The following TACC2 variants were observed in gnomAD, a reference collection of about 807,000 sequenced individuals.
TACC2 encodes transforming acidic coiled-coil containing protein 2.
A neutral mutation model predicts 227.3 loss-of-function variants in TACC2; 137 were observed. The observed-to-expected ratio is 0.60, with a 90% CI of 0.52 to 0.69. TACC2 has a LOEUF of 0.69. Among genes scored for constraint, TACC2 ranks in the 30% least tolerant of loss-of-function variants. The pLI is 0.00. For synonymous variants in TACC2, 1,523 were observed against 1,487.5 expected, an observed-to-expected ratio of 1.02 and a Z score of -0.55; for missense variants, 3,470 against 3,694.4, an observed-to-expected ratio of 0.94 and a Z score of 1.57.
In TACC2 at chr10:122,087,595, G is replaced by T. The variant is rs138754206; in HGVS notation, c.5095G>T (p.Ala1699Ser). 2 of 1,613,542 alleles carry T rather than the reference G, an allele frequency of 1.2e-6. No homozygotes were observed. The highest frequency in any genetic ancestry group is 2.7e-5 in the African/African-American group (2 of 74,948). The change falls in exon 4 of 23, where the codon GCA (alanine) becomes TCA (serine). Residue 1699 changes from alanine (A) to serine (S), a missense_variant. By Grantham distance (99) the Ala-to-Ser change is moderately conservative. Transcript: ENST00000369005. ...ADTPLEPGKV[A>S]GAAGEAEGDI... ...CACTCCCCTGGAGCCTGGCAAGGTG[G>T]CAGGCGCTGCTGGGGAAGCAGAGGG...
intron 7 of TACC2, among the ~76,000 whole-genome samples, chr10:122,168,534 G>T (rs547601252): frequency 6.6e-6 from 1 of 152,274 alleles, no homozygotes; most frequent in East Asian, 1.9e-4. Flanking sequence ...TGGGGGACTT[G>T]CCTGGAGGCT....
In TACC2 at chr10:122,050,390, G is replaced by GA; in HGVS notation, c.34-47dup. 1 of 1,470,038 alleles carries GA rather than the reference G, an allele frequency of 6.8e-7. No individual in the cohort carries two copies. The highest frequency in any genetic ancestry group is 9.5e-7 in the Non-Finnish European group (1 of 1,055,936). 91.1% of individuals were successfully genotyped at this position (1,470,038 alleles called of 1,614,324 possible). On this transcript the variant is annotated intron_variant, in intron 2 of 22. Transcript: ENST00000369005. This position sits in a 1 kb window ranked among gnomAD's most constrained non-coding sequence, Gnocchi z 4.6. ...GTTGATAAATGTTTTTGTGTTTTCA[G>GA]AGACTCCTATCTGATTTCCTTTCCA...
intron 7 of TACC2, chr10:122,163,807 C>T: frequency 2.3e-6 from 3 of 1,316,196 alleles, no homozygotes; most frequent in Admixed American, 3.8e-5. Context: ...GCAGCTGCTC[C>T]CCTCTGCAGT....
In TACC2 at chr10:122,050,613, A is replaced by G. The variant is rs2075567504; in HGVS notation, c.146+63A>G. 1.3e-5 allele frequency: 17 copies of G among 1,334,266 alleles called. No homozygotes were observed. The highest frequency in any genetic ancestry group is 1.7e-5 in the Non-Finnish European group (16 of 936,880). 82.7% of individuals were successfully genotyped at this position (1,334,266 alleles called of 1,614,324 possible). ...GACTGCCCCGCTCATTGCCTGCTCC[A>G]GCATTAGCTTTGCCCCATTTGCTTT... On this transcript the variant is annotated intron_variant, in intron 3 of 22. Transcript: ENST00000369005. The surrounding 1 kb of genome is among the most constrained non-coding windows in gnomAD (Gnocchi z 4.6).
intron 3 of TACC2, among the ~76,000 whole-genome samples, chr10:122,062,501 A>G (rs2076953362): frequency 6.7e-6 from 1 of 148,424 alleles, no homozygotes; most frequent in Non-Finnish European, 1.5e-5. Flanking sequence ...TTTAGTAGAG[A>G]CAGGGTTTCT....
intron 5 of TACC2, among the ~76,000 whole-genome samples, chr10:122,121,938 G>A (rs1454498600): frequency 1.3e-5 from 2 of 152,242 alleles, no homozygotes; most frequent in Non-Finnish European, 1.5e-5. Context: ...CTAGAGGAAA[G>A]ACCTGGCGGG....
chr10:122,052,407 T>TGAGAGCGCTG (rs2075792586), intron 3 of TACC2: 4 of 152,084 alleles, frequency 2.6e-5, no homozygotes, highest in African/African-American at 9.7e-5. Context: ...GCATGCAAAT[T>TGAGAGCGCTG]GAGCATAAAA....
intron 1 of TACC2, among the ~76,000 whole-genome samples, chr10:121,991,103 A>G (rs1953010613): frequency 6.6e-6 from 1 of 152,164 alleles, no homozygotes; most frequent in African/African-American, 2.4e-5. Flanking sequence ...ACTTGTTTTT[A>G]AAAATGCCTT....
Position 122,087,604 on chromosome 10 carries a change from G to A in TACC2, c.5104G>A (p.Ala1702Thr). 3 of 1,613,580 alleles carry A rather than the reference G, an allele frequency of 1.9e-6. No homozygotes were observed. Among genetic ancestry groups the A allele is most frequent in the Non-Finnish European group, 1.7e-6 (2 of 1,179,996 alleles). The change falls in exon 4 of 23, where the codon GCT becomes ACT. Residue 1702 changes from alanine (A) to threonine (T), a missense_variant. Physicochemically the swap from Ala to Thr is moderately conservative, Grantham distance 58. Coordinates refer to ENST00000369005, the MANE Select transcript of TACC2 (RefSeq NM_206862.4). ...PLEPGKVAGA[A>T]GEAEGDITLS... ...GGAGCCTGGCAAGGTGGCAGGCGCTGCTGGGGAAGCAGAGGGTGACATCAC... is the reference window on the plus strand; with the variant it reads ...GGAGCCTGGCAAGGTGGCAGGCGCTACTGGGGAAGCAGAGGGTGACATCAC...
intron 3 of TACC2, among the ~76,000 whole-genome samples, chr10:122,063,533 T>C (rs2077064838): frequency 6.6e-6 from 1 of 152,194 alleles, no homozygotes; most frequent in Non-Finnish European, 1.5e-5. Context: ...ACAGAGCATT[T>C]GAGGCTTTAA....
chr10:122,121,278 T>C (rs1341324346), intron 5 of TACC2, among the ~76,000 whole-genome samples: 1 of 152,222 alleles, frequency 6.6e-6, no homozygotes, highest in Non-Finnish European at 1.5e-5. Context: ...TGGAGCACTT[T>C]GCGTGTGCTG....
chr10:122,105,250 G>A (rs897542353), intron 5 of TACC2, among the ~76,000 whole-genome samples: 2 of 150,902 alleles, frequency 1.3e-5, no homozygotes, highest in Non-Finnish European at 3.0e-5. Flanking sequence ...TGTGTCTGGG[G>A]AGTGTTTGGC....
chr10:122,007,781 A>G (rs10887040), intron 1 of TACC2, among the ~76,000 whole-genome samples: 54,563 of 152,000 alleles, frequency 0.36, 10,417 homozygotes, highest in South Asian at 0.61. Flanking sequence ...CAAAACTCTC[A>G]TTGAAATTCA....
chr10:122,131,772 G>A lies in TACC2; in HGVS notation c.5574-837G>A, dbSNP rs538507949. ...CGTGGTGGCTCATGCCTGTAATCCC[G>A]GCACTTTGGGAGGCCAAGGCGGGCA... On this transcript the variant is annotated intron_variant, in intron 5 of 22. Coordinates refer to ENST00000369005, the MANE Select transcript of TACC2 (RefSeq NM_206862.4). Among the ~76,000 whole-genome samples, 28 of 151,280 alleles carry A rather than the reference G, an allele frequency of 1.9e-4. No individual in the cohort carries two copies. The South Asian group carries it at 5.0e-3, about 27-fold the overall frequency.
In TACC2 at chr10:122,050,521, C is replaced by CT. The variant is rs763342425; in HGVS notation, c.117_118insT (p.Gly40TrpfsTer4). Reference sequence around the variant, plus strand: ...TAAAAAGGAAGCAGCAGGACACGCCCGGAAGCCCTGACCACAGAGACGCGT... The same window carrying CT: ...TAAAAAGGAAGCAGCAGGACACGCCCTGGAAGCCCTGACCACAGAGACGCGT... On this transcript the variant is annotated frameshift_variant, in exon 3 of 23. Coordinates refer to ENST00000369005, the MANE Select transcript of TACC2 (RefSeq NM_206862.4). LOFTEE classifies it high-confidence loss of function. This position sits in a 1 kb window ranked among gnomAD's most constrained non-coding sequence, Gnocchi z 4.6. 2.5e-5 allele frequency: 41 copies of CT among 1,613,934 alleles called. 2 individuals are homozygous for CT. The South Asian group carries it at 4.3e-4, about 17-fold the overall frequency.
chr10:122,233,443 C>T (rs1283467661), intron 16 of TACC2, among the ~76,000 whole-genome samples: 1 of 152,202 alleles, frequency 6.6e-6, no homozygotes, highest in African/African-American at 2.4e-5. Flanking sequence ...AGGAAGGGGG[C>T]AAGTCCTAGC....
chr10:122,220,607 G>A (rs554907331), intron 11 of TACC2, among the ~76,000 whole-genome samples: 2 of 152,338 alleles, frequency 1.3e-5, no homozygotes, highest in South Asian at 2.1e-4. Flanking sequence ...GAAAGAATCC[G>A]TGTGGGGCGG....
chr10:122,009,500 T>C (rs112413435), intron 1 of TACC2, among the ~76,000 whole-genome samples: 1 of 126,416 alleles, frequency 7.9e-6, no homozygotes, highest in African/African-American at 4.3e-5. Context: ...AGAGACTCCC[T>C]CTCAACAAAA....
chr10:122,060,378 C>A (rs772610512), intron 3 of TACC2, among the ~76,000 whole-genome samples: 4 of 152,212 alleles, frequency 2.6e-5, no homozygotes, highest in Non-Finnish European at 5.9e-5. Context: ...TTCTCAAGCT[C>A]GTTTTTATTG....
Sources: allele counts gnomAD v4.1 joint callset (sites outside exome capture counted in the v4.1 genomes callset), GRCh38; gene constraint gnomAD v4.1.1; non-coding constraint Gnocchi (gnomAD v3.1); transcripts MANE v1.5; gene names NCBI Gene and HGNC (gene_info 2026-07-23, HGNC 2026-07-21).